NLGN1: variants seen among roughly 807,000 people sequenced by gnomAD.
NLGN1 encodes the protein neuroligin 1.
A neutral mutation model predicts 65.5 loss-of-function variants in NLGN1; 12 were observed. That is an observed-to-expected ratio of 0.18 (90% CI 0.12 to 0.30). The LOEUF is 0.30. Among genes scored for constraint, NLGN1 ranks in the 10% least tolerant of loss-of-function variants. NLGN1 has a pLI of 1.00. For missense variants in NLGN1, 750 were observed against 1,007.1 expected (o/e 0.74, Z 3.46); for synonymous variants, 350 against 359.5 (o/e 0.97, Z 0.30).
intron 4 of NLGN1, among the ~76,000 whole-genome samples, chr3:174,162,239 G>GT (rs1376365719): frequency 6.6e-6 from 1 of 151,724 alleles, no homozygotes; most frequent in African/African-American, 2.4e-5. Context: ...ATATTCTTAG[G>GT]TTTTTTTCTC....
chr3:173,708,807 A>G lies in NLGN1; in HGVS notation c.494-98873A>G, dbSNP rs528195622. On this transcript the variant is annotated intron_variant, in intron 3 of 6. Coordinates refer to ENST00000457714, the Ensembl canonical transcript of NLGN1. ...ATGATATTTCAGAGATGTCAATTAA[A>G]TAATGGCTGAAATATATCAGTGATA... Among the ~76,000 whole-genome samples the G allele has an allele frequency of 3.3e-5, 5 of 152,340 alleles. No individual in the cohort carries two copies. In the South Asian group the frequency reaches 1.0e-3, roughly 32 times the overall value.
intron 2 of NLGN1, among the ~76,000 whole-genome samples, chr3:173,592,086 C>T (rs1218713853): frequency 6.6e-6 from 1 of 152,066 alleles, no homozygotes; most frequent in Non-Finnish European, 1.5e-5. Context: ...TTTTGAATAA[C>T]ATTCTGCCTC....
rs190538612 is a variant in NLGN1 at position 173,409,834 on chromosome 3, G to A, written c.-390+11347G>A. ...GACAAGTATTGATGGGGAAGGCCAG[G>A]AAGATCAGTTTAAACCAAGATCATT... On this transcript the variant is annotated intron_variant, in intron 1 of 6. Transcript: ENST00000457714. 1.2e-3 allele frequency among the ~76,000 whole-genome samples: 181 copies of A among 152,300 alleles called. 1 individual carries two copies. The Middle Eastern group carries it at 0.017, about 14-fold the overall frequency.
At chr3:174,259,289 T>G (rs559437192) in intron 4 of NLGN1, among the ~76,000 whole-genome samples, 5 of 152,254 alleles carry the variant, frequency 3.3e-5, no homozygotes, top group African/African-American at 1.2e-4. Context: ...ATAGCATCCC[T>G]CTTTCCCACT....
Position 174,188,708 on chromosome 3 carries a change from T to C in NLGN1, c.647-86607T>C, listed in dbSNP as rs575361995. Among the ~76,000 whole-genome samples the C allele has an allele frequency of 3.3e-4, 50 of 152,056 alleles. 1 individual carries two copies. The highest frequency in any genetic ancestry group is 1.2e-3 in the African/African-American group (48 of 41,542). ...TATAAACTCACCCTTTTTTTCCAGG[T>C]ATTAGACCTTTAGGGAATCATTTAT... On this transcript the variant is annotated intron_variant, in intron 4 of 6. Transcript: ENST00000457714.
At chr3:173,955,773 C>T (rs753105666) in intron 4 of NLGN1, among the ~76,000 whole-genome samples, 1 of 152,044 alleles carries the variant, frequency 6.6e-6, no homozygotes, top group Non-Finnish European at 1.5e-5. Context: ...ATTGTTTCTT[C>T]TTTAACTGCC....
chr3:173,993,421 A>G (rs1721551934), intron 4 of NLGN1, among the ~76,000 whole-genome samples: 1 of 152,154 alleles, frequency 6.6e-6, no homozygotes, highest in Non-Finnish European at 1.5e-5. Flanking sequence ...TGGAGATATG[A>G]TTCACTCTCT....
intron 2 of NLGN1, among the ~76,000 whole-genome samples, chr3:173,583,129 T>C (rs1229549907): frequency 2.0e-5 from 3 of 152,206 alleles, no homozygotes; most frequent in Non-Finnish European, 2.9e-5. Context: ...CAGTTACTGT[T>C]ATTTTATGTT....
At chr3:174,246,125 A>G (rs1380647054) in intron 4 of NLGN1, among the ~76,000 whole-genome samples, 1 of 152,236 alleles carries the variant, frequency 6.6e-6, no homozygotes, top group Non-Finnish European at 1.5e-5. Context: ...TGAGAATTGT[A>G]GTACTGTTTC....
intron 2 of NLGN1, among the ~76,000 whole-genome samples, chr3:173,536,514 T>C (rs1223245116): frequency 6.6e-6 from 1 of 152,164 alleles, no homozygotes; most frequent in African/African-American, 2.4e-5. Flanking sequence ...TAAATTGGAG[T>C]ATCTTCATGT....
chr3:173,487,223 A>G (rs77521973), intron 2 of NLGN1, among the ~76,000 whole-genome samples: 27,288 of 152,036 alleles, frequency 0.18, 2,601 homozygotes, highest in Middle Eastern at 0.27. Context: ...CACCACGTCA[A>G]ACATGTATAT....
At chr3:173,690,000 G>T (rs1256066381) in intron 3 of NLGN1, among the ~76,000 whole-genome samples, 1 of 152,150 alleles carries the variant, frequency 6.6e-6, no homozygotes, top group Non-Finnish European at 1.5e-5. Flanking sequence ...ATATAGGGAA[G>T]TTTGAAGAGA....
chr3:173,828,157 T>C (rs954536320), intron 4 of NLGN1, among the ~76,000 whole-genome samples: 1 of 152,184 alleles, frequency 6.6e-6, no homozygotes, highest in African/African-American at 2.4e-5. Context: ...TTATTTATTT[T>C]ATTCCTGTGA....
intron 2 of NLGN1, among the ~76,000 whole-genome samples, chr3:173,498,278 C>T (rs1576986013): frequency 6.6e-6 from 1 of 150,658 alleles, no homozygotes; most frequent in Non-Finnish European, 1.5e-5. Flanking sequence ...TTGTTCAATT[C>T]CCACCTATGA....
At chr3:173,948,719 C>T (rs1747658291) in intron 4 of NLGN1, among the ~76,000 whole-genome samples, 1 of 152,154 alleles carries the variant, frequency 6.6e-6, no homozygotes, top group South Asian at 2.1e-4. Context: ...ATATTTGTCT[C>T]AAACTGTTCT....
chr3:173,460,823 A>G (rs1723254165), intron 2 of NLGN1, among the ~76,000 whole-genome samples: 1 of 152,146 alleles, frequency 6.6e-6, no homozygotes, highest in African/African-American at 2.4e-5. Flanking sequence ...ATAGGGAATA[A>G]GCATTGGACC....
At chr3:174,247,895 A>T (rs558326049) in intron 4 of NLGN1, among the ~76,000 whole-genome samples, 6 of 152,364 alleles carry the variant, frequency 3.9e-5, no homozygotes, top group Non-Finnish European at 7.3e-5. Flanking sequence ...GAAAGTTTGC[A>T]GATGTGTGAT....
At chr3:173,678,483 G>A (rs1763480486) in intron 3 of NLGN1, among the ~76,000 whole-genome samples, 1 of 152,094 alleles carries the variant, frequency 6.6e-6, no homozygotes, top group Admixed American at 6.6e-5. Context: ...TTGGATCTAT[G>A]TATTGAAGGA....
chr3:173,980,388 C>T (rs1718503011), intron 4 of NLGN1, among the ~76,000 whole-genome samples: 1 of 151,546 alleles, frequency 6.6e-6, no homozygotes, highest in Non-Finnish European at 1.5e-5. Context: ...AAAATTATTC[C>T]ATGTTGCTAT....
Sources: gnomAD v4.1 joint callset for allele counts (sites outside exome capture counted in the v4.1 genomes callset) on GRCh38, gnomAD v4.1.1 for gene constraint, MANE v1.5 for transcripts, NCBI Gene and HGNC (gene_info 2026-07-23, HGNC 2026-07-21) for gene names.